The following BMPER variants were observed in gnomAD, a reference collection of about 807,000 sequenced individuals.
The protein encoded by BMPER is BMP binding endothelial regulator.
Under a neutral mutation model 87.3 loss-of-function variants are expected in BMPER, and 45 were observed. The ratio of observed to expected loss-of-function variants is 0.52; its 90% CI spans 0.41 to 0.66. The LOEUF (loss-of-function observed/expected upper bound fraction) is 0.66, where lower values mean the gene tolerates loss of function less well. BMPER is among the 30% of genes least tolerant of loss of function. The pLI is 0.00. For missense variants in BMPER, 784 were observed against 867.5 expected (o/e 0.90, Z 1.21); for synonymous variants, 326 against 316.2 (o/e 1.03, Z -0.33).
At chr7:34,065,199 A>AAT (rs1788545356) in intron 11 of BMPER, among the ~76,000 whole-genome samples, 1 of 94,124 alleles carries the variant, frequency 1.1e-5, no homozygotes, top group African/African-American at 3.9e-5. Context: ...ACACATACAC[A>AAT]CTCACTCTCT....
At chr7:33,993,949 G>T (rs1326985837) in intron 6 of BMPER, among the ~76,000 whole-genome samples, 2 of 152,182 alleles carry the variant, frequency 1.3e-5, no homozygotes, top group South Asian at 2.1e-4. Flanking sequence ...AGGGGTCAGG[G>T]ACCCACTTGA....
At chr7:34,052,690 T>A (rs1022956301) in intron 8 of BMPER, among the ~76,000 whole-genome samples, 3 of 152,208 alleles carry the variant, frequency 2.0e-5, no homozygotes, top group African/African-American at 7.2e-5. Flanking sequence ...TGTTGTTTGT[T>A]TTTAATAGTT....
At chr7:34,152,884 A>G (rs557221432) in intron 14 of BMPER, among the ~76,000 whole-genome samples, 65 of 152,272 alleles carry the variant, frequency 4.3e-4, no homozygotes, top group African/African-American at 1.6e-3. Flanking sequence ...GTTCAGATCT[A>G]CCTGCATTTG....
intron 6 of BMPER, among the ~76,000 whole-genome samples, chr7:34,023,301 G>C (rs1787247726): frequency 6.6e-6 from 1 of 152,014 alleles, no homozygotes; most frequent in South Asian, 2.1e-4. Context: ...TTGTAACCCT[G>C]GACTGTGAAA....
intron 6 of BMPER, among the ~76,000 whole-genome samples, chr7:34,008,223 T>C (rs1447629947): frequency 2.6e-5 from 4 of 152,046 alleles, no homozygotes; most frequent in African/African-American, 9.7e-5. Context: ...TTTGTTTCTT[T>C]CTCTACTGGG....
chr7:33,928,919 C>A (rs1308528479), intron 2 of BMPER, among the ~76,000 whole-genome samples: 1 of 152,148 alleles, frequency 6.6e-6, no homozygotes, highest in East Asian at 1.9e-4. Flanking sequence ...AGACACGATT[C>A]TGGCCAGACA....
At chr7:34,070,383 T>A (rs1028912003) in intron 11 of BMPER, among the ~76,000 whole-genome samples, 4 of 152,166 alleles carry the variant, frequency 2.6e-5, no homozygotes, top group Admixed American at 6.5e-5. Context: ...TTCTCCCCCA[T>A]GTTGCTAATC....
rs1490359215 is a variant in BMPER, at chr7:33,993,602, G to A, written c.576+18818G>A. Among the ~76,000 whole-genome samples the A allele has an allele frequency of 5.9e-5, 9 of 152,014 alleles. No individual in the cohort carries two copies. In the East Asian group the frequency reaches 1.7e-3, roughly 30 times the overall value. On this transcript the variant is annotated intron_variant, in intron 6 of 14. Transcript: ENST00000649409. The stretch of plus-strand genomic sequence containing the variant: ...GCTCAGAGTAATTTGATCGTCTGAA[G>A]CCTTCTTCTCTCAGCTCGTCAAAGT...
intron 7 of BMPER, among the ~76,000 whole-genome samples, chr7:34,046,726 A>ATAT (rs1254285743): frequency 2.0e-5 from 3 of 152,174 alleles, no homozygotes; most frequent in Non-Finnish European, 4.4e-5. Context: ...TAACAGGAAC[A>ATAT]TATTTTAAAG....
intron 6 of BMPER, among the ~76,000 whole-genome samples, chr7:34,005,299 G>C (rs1238908669): frequency 6.6e-6 from 1 of 152,006 alleles, no homozygotes; most frequent in African/African-American, 2.4e-5. Flanking sequence ...TTGTAACACT[G>C]GGTAGAGAGG....
intron 6 of BMPER, among the ~76,000 whole-genome samples, chr7:34,023,250 A>T (rs1787246143): frequency 6.6e-6 from 1 of 152,100 alleles, no homozygotes; most frequent in South Asian, 2.1e-4. Context: ...GTCGTCATAC[A>T]TCTTGGGGAA....
At chr7:34,005,876 G>T (rs1488475304) in intron 6 of BMPER, among the ~76,000 whole-genome samples, 1 of 151,826 alleles carries the variant, frequency 6.6e-6, no homozygotes, top group Admixed American at 6.6e-5. Context: ...AGCTCTTGAG[G>T]TTAAATCTTT....
chr7:34,129,618 G>A (rs765655110), intron 13 of BMPER, among the ~76,000 whole-genome samples: 20,655 of 47,384 alleles, frequency 0.44, 2,923 homozygotes, highest in East Asian at 0.55. Flanking sequence ...GAAAGAGAGA[G>A]AGAGAGAAAG....
intron 6 of BMPER, among the ~76,000 whole-genome samples, chr7:34,031,830 G>C (rs1262553314): frequency 1.5e-5 from 2 of 137,572 alleles, no homozygotes; most frequent in Non-Finnish European, 3.1e-5. Context: ...AACTCCCCAA[G>C]GTAACTCATT....
intron 6 of BMPER, among the ~76,000 whole-genome samples, chr7:34,014,823 G>C (rs1786977326): frequency 6.6e-6 from 1 of 151,914 alleles, no homozygotes; most frequent in Non-Finnish European, 1.5e-5. Context: ...CCTTTCATTA[G>C]GAAGAATAGG....
At chr7:34,050,035 C>T (rs1224309334) in intron 7 of BMPER, among the ~76,000 whole-genome samples, 1 of 152,022 alleles carries the variant, frequency 6.6e-6, no homozygotes, top group Non-Finnish European at 1.5e-5. Flanking sequence ...CAGGGTAAAC[C>T]TATTTGGGTT....
At chr7:34,026,403 A>G (rs994097364) in intron 6 of BMPER, among the ~76,000 whole-genome samples, 22 of 152,084 alleles carry the variant, frequency 1.4e-4, no homozygotes, top group Non-Finnish European at 3.1e-4. Flanking sequence ...AGGTTTTGCA[A>G]TGAGGGGAAT....
At chr7:33,974,250 C>A (rs1785622255) in intron 5 of BMPER, among the ~76,000 whole-genome samples, 1 of 152,066 alleles carries the variant, frequency 6.6e-6, no homozygotes, top group Non-Finnish European at 1.5e-5. Flanking sequence ...GATTGGGGTA[C>A]CTAGGACGCG....
intron 3 of BMPER, among the ~76,000 whole-genome samples, chr7:33,953,933 C>A (rs993975666): frequency 6.6e-6 from 1 of 152,198 alleles, no homozygotes; most frequent in Non-Finnish European, 1.5e-5. Flanking sequence ...TGTCACTTAG[C>A]ATAATGTCTT....
Sources: gnomAD v4.1 joint callset for allele counts (sites outside exome capture counted in the v4.1 genomes callset) on GRCh38, gnomAD v4.1.1 for gene constraint, MANE v1.5 for transcripts, NCBI Gene and HGNC (gene_info 2026-07-23, HGNC 2026-07-21) for gene names.